Variants in LARGE1 observed in about 807,000 individuals in gnomAD.
LARGE1 encodes the protein LARGE xylosyl- and glucuronyltransferase 1.
A neutral mutation model predicts 87.6 loss-of-function variants in LARGE1; 43 were observed. The observed-to-expected ratio is 0.49, with a 90% CI of 0.38 to 0.63. The LOEUF is 0.63. LARGE1 is among the 30% of genes least tolerant of loss of function. LARGE1 has a pLI of 0.00. For synonymous variants in LARGE1, 434 were observed against 394.6 expected (o/e 1.10, Z -1.18); for missense variants, 802 against 1,000.2 (o/e 0.80, Z 2.67).
chr22:33,525,274 T>A (rs564684758), intron 6 of LARGE1, among the ~76,000 whole-genome samples: 142 of 152,286 alleles, frequency 9.3e-4, no homozygotes, highest in African/African-American at 3.3e-3. Flanking sequence ...ATGTCTTCAA[T>A]GAAACTGCTT....
At chr22:33,205,103 C>T (rs2146218658) in intron 11 of LARGE1, among the ~76,000 whole-genome samples, 1 of 152,264 alleles carries the variant, frequency 6.6e-6, no homozygotes, top group Middle Eastern at 3.4e-3. Flanking sequence ...CACACCTTGT[C>T]CCATTATTTC....
intron 1 of LARGE1, among the ~76,000 whole-genome samples, chr22:33,884,108 A>G (rs989720072): frequency 6.6e-6 from 1 of 152,158 alleles, no homozygotes; most frequent in Non-Finnish European, 1.5e-5. Context: ...GAACCTATCT[A>G]AGTCAGGTGG....
At chr22:33,626,457 C>T (rs779458833) in intron 3 of LARGE1, 131 bp from the exon 4 acceptor site, 2 of 719,654 alleles carry the variant, frequency 2.8e-6, no homozygotes, top group Non-Finnish European at 5.0e-6. Flanking sequence ...AGGACACTGT[C>T]TGCAGCTGTG....
At chr22:33,567,275 C>T (rs867073019) in intron 5 of LARGE1, among the ~76,000 whole-genome samples, 18 of 152,046 alleles carry the variant, frequency 1.2e-4, no homozygotes, top group African/African-American at 3.1e-4. Flanking sequence ...AAAATGGAGA[C>T]GATGCCTACT....
At chr22:33,228,840 GA>G (rs1470473515) in intron 11 of LARGE1, among the ~76,000 whole-genome samples, 1 of 152,128 alleles carries the variant, frequency 6.6e-6, no homozygotes, top group African/African-American at 2.4e-5. Context: ...CTGGGGAGGT[GA>G]GAGGGTGGAG....
intron 6 of LARGE1, among the ~76,000 whole-genome samples, chr22:33,476,820 T>C (rs1306724725): frequency 1.3e-5 from 2 of 151,946 alleles, no homozygotes; most frequent in Non-Finnish European, 2.9e-5. Context: ...CAAACGGCGA[T>C]GTCAGAGTGT....
rs199968081 is a variant in LARGE1 at position 33,358,828 on chromosome 22, TACA to T, written c.1132-21030_1132-21028del. On this transcript the variant is annotated intron_variant, in intron 9 of 14. Coordinates refer to ENST00000397394, the MANE Select transcript of LARGE1 (RefSeq NM_133642.5). ...AGTGAAAATCCATCTCTACTTAAAA[TACA>T]ACAACAACAACAAAAAATTAGCCAG... Among the ~76,000 whole-genome samples, 5 of 151,496 alleles carry T rather than the reference TACA, an allele frequency of 3.3e-5. No homozygotes were observed. The South Asian group carries it at 6.3e-4, about 19-fold the overall frequency.
At chr22:33,726,011 C>G (rs1349684275) in intron 2 of LARGE1, 3 of 151,888 alleles carry the variant, frequency 2.0e-5, no homozygotes, top group Non-Finnish European at 4.4e-5. Context: ...GTTCACAAGA[C>G]AGCCTCCCTG....
intron 1 of LARGE1, among the ~76,000 whole-genome samples, chr22:33,788,069 G>T (rs941598519): frequency 6.6e-6 from 1 of 152,122 alleles, no homozygotes. Flanking sequence ...CACCATACTT[G>T]GTATTATTTG....
At chr22:33,521,140 A>G (rs369501651) in intron 6 of LARGE1, among the ~76,000 whole-genome samples, 18 of 152,378 alleles carry the variant, frequency 1.2e-4, no homozygotes, top group African/African-American at 4.3e-4. Flanking sequence ...GACAGTAAAA[A>G]GAGAACACAG....
intron 12 of LARGE1, among the ~76,000 whole-genome samples, chr22:33,303,807 T>A (rs1934483432): frequency 8.5e-6 from 1 of 117,462 alleles, no homozygotes; most frequent in Non-Finnish European, 1.7e-5. Flanking sequence ...GTATTTTTAG[T>A]AGGGGGGGGG....
intron 4 of LARGE1, among the ~76,000 whole-genome samples, chr22:33,607,461 C>CAAAAAAAAAAAAAA (rs1217376084): frequency 5.2e-5 from 3 of 58,002 alleles, no homozygotes; most frequent in Non-Finnish European, 9.5e-5. Flanking sequence ...AACTGCATCT[C>CAAAAAAAAAAAAAA]AAAAAAAAAA....
chr22:33,877,690 A>T (rs1026282086), intron 1 of LARGE1, among the ~76,000 whole-genome samples: 1 of 152,094 alleles, frequency 6.6e-6, no homozygotes, highest in African/African-American at 2.4e-5. Flanking sequence ...TGGGAGGCTG[A>T]GGTGGGGGGA....
At chr22:33,147,699 A>G in the LARGE1 span, among the ~76,000 whole-genome samples, 1 of 152,226 alleles carries the variant, frequency 6.6e-6, no homozygotes, top group Non-Finnish European at 1.5e-5. Flanking sequence ...CTATATAAAC[A>G]GACCTTATTT....
intron 5 of LARGE1, among the ~76,000 whole-genome samples, chr22:33,587,724 T>C (rs1393640262): frequency 1.6e-5 from 2 of 125,326 alleles, no homozygotes; most frequent in Admixed American, 7.9e-5. Flanking sequence ...CTACTGGAGT[T>C]TTCCTTTAAG....
intron 1 of LARGE1, among the ~76,000 whole-genome samples, chr22:33,767,022 T>C (rs991291103): frequency 5.4e-5 from 8 of 148,120 alleles, no homozygotes; most frequent in Non-Finnish European, 1.2e-4. Context: ...TTAAAAGTTA[T>C]TTAAAAATTG....
At chr22:33,794,482 C>A (rs1033538538) in intron 1 of LARGE1, among the ~76,000 whole-genome samples, 3 of 152,126 alleles carry the variant, frequency 2.0e-5, no homozygotes, top group African/African-American at 4.8e-5. Flanking sequence ...AAGAGCCTGG[C>A]CTCTTCAGAC....
At chr22:33,116,378 G>A in the LARGE1 span, 1 of 152,114 alleles carries the variant, frequency 6.6e-6, no homozygotes, top group Non-Finnish European at 1.5e-5. Context: ...TTTTTGAGAC[G>A]GAGTTTTGCT....
intron 1 of LARGE1, among the ~76,000 whole-genome samples, chr22:33,819,774 G>T (rs541184722): frequency 3.3e-5 from 5 of 152,176 alleles, no homozygotes; most frequent in Admixed American, 6.5e-5. Context: ...AAATTTGTGT[G>T]TTTCTAAGAA....
Sources: gnomAD v4.1 joint callset for allele counts (sites outside exome capture counted in the v4.1 genomes callset) on GRCh38, gnomAD v4.1.1 for gene constraint, MANE v1.5 for transcripts, NCBI Gene and HGNC (gene_info 2026-07-23, HGNC 2026-07-21) for gene names.